GPC5: variants seen among roughly 807,000 people sequenced by gnomAD.
GPC5 encodes the protein glypican-5.
Under a neutral mutation model 53.9 loss-of-function variants are expected in GPC5, and 47 were observed. The ratio of observed to expected loss-of-function variants is 0.87; its 90% CI spans 0.69 to 1.11. GPC5 has a LOEUF of 1.11. GPC5 is among the 50% of genes most tolerant of loss of function. The pLI, the probability that GPC5 is intolerant of heterozygous loss-of-function variation, is 0.00. For missense variants in GPC5, 748 were observed against 713.1 expected (o/e 1.05, Z -0.56); for synonymous variants, 286 against 263.3 (o/e 1.09, Z -0.84).
At chr13:92,602,233 CATATATATATATATATAT>C (rs149450440) in intron 7 of GPC5, among the ~76,000 whole-genome samples, 1 of 119,496 alleles carries the variant, frequency 8.4e-6, no homozygotes, top group Admixed American at 8.9e-5. Context: ...ATATATATAA[CATATATATATATATATAT>C]ATATATATAT....
chr13:91,962,559 T>C (rs2040135802), intron 6 of GPC5, among the ~76,000 whole-genome samples: 1 of 152,120 alleles, frequency 6.6e-6, no homozygotes. Flanking sequence ...TGCACAGTCT[T>C]AGTATTAGTT....
chr13:92,473,581 A>C (rs1450666592), intron 7 of GPC5, among the ~76,000 whole-genome samples: 8 of 152,142 alleles, frequency 5.3e-5, no homozygotes, highest in Non-Finnish European at 1.2e-4. Context: ...ATTTATTTTA[A>C]ACTATGTATC....
At position 91,707,985 on chromosome 13, in the gene GPC5, G is replaced by A. The variant is rs146386332; in HGVS notation, c.1020+14104G>A. 3.2e-4 allele frequency among the ~76,000 whole-genome samples: 49 copies of A among 152,188 alleles called. No individual in the cohort carries two copies. The East Asian group carries it at 8.1e-3, about 25-fold the overall frequency. On this transcript the variant is annotated intron_variant, in intron 3 of 7. Coordinates refer to ENST00000377067, the MANE Select transcript of GPC5 (RefSeq NM_004466.6). Reference sequence around the variant, plus strand: ...ATATTTTTTGGTAATAAAAAGGAACGAAGTACTGTTACATGCCACAATATT... The same window carrying A: ...ATATTTTTTGGTAATAAAAAGGAACAAAGTACTGTTACATGCCACAATATT...
chr13:91,816,059 G>T (rs550912986), intron 5 of GPC5, among the ~76,000 whole-genome samples: 1 of 152,246 alleles, frequency 6.6e-6, no homozygotes, highest in South Asian at 2.1e-4. Context: ...TTTAAGTGCT[G>T]TGATCCTCAG....
chr13:92,667,094 T>A (rs6492626), intron 7 of GPC5, among the ~76,000 whole-genome samples: 38,191 of 151,996 alleles, frequency 0.25, 5,282 homozygotes, highest in East Asian at 0.43. Context: ...TGGCCAAAAT[T>A]TGGTTGAGAT....
At chr13:91,879,318 A>G (rs1192722015) in intron 5 of GPC5, among the ~76,000 whole-genome samples, 2 of 152,182 alleles carry the variant, frequency 1.3e-5, no homozygotes, top group Non-Finnish European at 2.9e-5. Context: ...CATTTTAGTA[A>G]GGACATATCT....
intron 7 of GPC5, among the ~76,000 whole-genome samples, chr13:92,696,363 T>A (rs1421113464): frequency 6.6e-6 from 1 of 152,168 alleles, no homozygotes; most frequent in Non-Finnish European, 1.5e-5. Context: ...CATCTGTTGT[T>A]TCCTGACTTT....
chr13:91,474,633 C>T (rs1020885148), intron 2 of GPC5, among the ~76,000 whole-genome samples: 2 of 151,908 alleles, frequency 1.3e-5, no homozygotes, highest in East Asian at 3.9e-4. Context: ...ATTAAATTGC[C>T]CATTTATAGC....
chr13:92,257,637 G>A (rs1453367840), intron 7 of GPC5, among the ~76,000 whole-genome samples: 18 of 138,886 alleles, frequency 1.3e-4, no homozygotes, highest in African/African-American at 3.8e-4. Context: ...TGCAACCTCC[G>A]CCTCCTGGGT....
chr13:91,896,321 G>C (rs555513907), intron 5 of GPC5, among the ~76,000 whole-genome samples: 1 of 151,822 alleles, frequency 6.6e-6, no homozygotes. Flanking sequence ...GAGTTTCACC[G>C]TGTTAGCCAG....
At chr13:91,655,196 A>G (rs2034816338) in intron 2 of GPC5, among the ~76,000 whole-genome samples, 1 of 152,150 alleles carries the variant, frequency 6.6e-6, no homozygotes, top group South Asian at 2.1e-4. Context: ...TAAAAATAAA[A>G]TTAATGAACT....
At chr13:92,305,778 C>G (rs35237694) in intron 7 of GPC5, among the ~76,000 whole-genome samples, 1,535 of 152,112 alleles carry the variant, frequency 0.01, 26 homozygotes, top group Middle Eastern at 0.048. Context: ...AAGTTTGATC[C>G]CAAGCCTTTA....
At chr13:91,728,726 G>A in intron 4 of GPC5, 61 bp downstream of exon 4, 3 of 1,471,082 alleles carry the variant, frequency 2.0e-6, no homozygotes, top group Admixed American at 2.1e-5. Flanking sequence ...TTTTACAACA[G>A]AATAGAACAT....
At chr13:92,112,541 A>G (rs182579770) in intron 6 of GPC5, among the ~76,000 whole-genome samples, 40 of 152,298 alleles carry the variant, frequency 2.6e-4, no homozygotes, top group Admixed American at 1.4e-3. Flanking sequence ...TGAATATTGC[A>G]TAATCATTGG....
intron 6 of GPC5, among the ~76,000 whole-genome samples, chr13:92,013,650 G>C (rs995970417): frequency 2.0e-5 from 3 of 152,152 alleles, no homozygotes; most frequent in Non-Finnish European, 4.4e-5. Flanking sequence ...CCAGGGACCT[G>C]CCCCTGTCTG....
At chr13:91,590,372 A>G (rs1172204591) in intron 2 of GPC5, among the ~76,000 whole-genome samples, 1 of 152,048 alleles carries the variant, frequency 6.6e-6, no homozygotes, top group Non-Finnish European at 1.5e-5. Flanking sequence ...GATTTTCTTC[A>G]CCTATTTGTT....
chr13:92,742,862 T>C (rs1448989440), intron 7 of GPC5, among the ~76,000 whole-genome samples: 1 of 152,166 alleles, frequency 6.6e-6, no homozygotes, highest in African/African-American at 2.4e-5. Flanking sequence ...TTCTTGTTTT[T>C]GTCAGGTTTG....
At chr13:92,187,068 C>T (rs530851465) in intron 7 of GPC5, among the ~76,000 whole-genome samples, 4 of 151,556 alleles carry the variant, frequency 2.6e-5, no homozygotes, top group South Asian at 2.1e-4. Flanking sequence ...GCTGAGATTG[C>T]GCCATTGCAC....
intron 7 of GPC5, among the ~76,000 whole-genome samples, chr13:92,167,633 G>C (rs1191720494): frequency 6.6e-6 from 1 of 152,130 alleles, no homozygotes; most frequent in Non-Finnish European, 1.5e-5. Flanking sequence ...TGATTTTAAA[G>C]TTTCTGAAAT....
Sources: allele counts gnomAD v4.1 joint callset (sites outside exome capture counted in the v4.1 genomes callset), GRCh38; gene constraint gnomAD v4.1.1; transcripts MANE v1.5; gene names NCBI Gene and HGNC (gene_info 2026-07-23, HGNC 2026-07-21).